Variants in PSTPIP1 observed in about 807,000 individuals in gnomAD.
PSTPIP1 encodes proline-serine-threonine phosphatase interacting protein 1, also known as proline-serine-threonine phosphatase-interacting protein 1.
Under a neutral mutation model 69.6 loss-of-function variants are expected in PSTPIP1, and 66 were observed. The observed-to-expected ratio is 0.95, with a 90% confidence interval of 0.78 to 1.16. The LOEUF (loss-of-function observed/expected upper bound fraction) is 1.16, where lower values mean the gene tolerates loss of function less well. Ranked by LOEUF, PSTPIP1 falls within the 50% of genes most tolerant of loss-of-function variation. The pLI is 0.00. For missense variants in PSTPIP1, 603 were observed against 557.4 expected, an observed-to-expected ratio of 1.08 and a Z score of -0.82; for synonymous variants, 266 against 222.7, an observed-to-expected ratio of 1.19 and a Z score of -1.73.
At chr15:77,012,299 A>T (rs1454935519) in intron 1 of PSTPIP1, among the ~76,000 whole-genome samples, 3 of 148,820 alleles carry the variant, frequency 2.0e-5, no homozygotes, top group Non-Finnish European at 4.5e-5. Context: ...CCATCTACCC[A>T]TCCATGCATC....
intron 3 of PSTPIP1, among the ~76,000 whole-genome samples, chr15:77,020,301 G>GACTT (rs1428883783): frequency 6.6e-6 from 1 of 152,152 alleles, no homozygotes; most frequent in Non-Finnish European, 1.5e-5. Flanking sequence ...TCCTTTGTGT[G>GACTT]GCCCTGGATG....
intron 14 of PSTPIP1, 92 bp downstream of exon 14, chr15:77,036,027 C>T (rs1291729544): frequency 7.0e-7 from 1 of 1,419,094 alleles, no homozygotes; most frequent in Non-Finnish European, 9.3e-7. Flanking sequence ...CTCATCTCTC[C>T]TCATGGTTTC....
At chr15:77,028,154 GAA>G (rs1286840761) in intron 6 of PSTPIP1, among the ~76,000 whole-genome samples, 5 of 152,040 alleles carry the variant, frequency 3.3e-5, no homozygotes, top group African/African-American at 1.2e-4. Flanking sequence ...AAGGGCAGAT[GAA>G]GTCAGCTGGG....
upstream of PSTPIP1, chr15:76,994,688 T>C: frequency 8.4e-7 from 1 of 1,190,616 alleles, no homozygotes; most frequent in Non-Finnish European, 1.1e-6. Context: ...TCACCTTGCC[T>C]CTGTGTGCTC....
intron 1 of PSTPIP1, among the ~76,000 whole-genome samples, chr15:76,996,416 C>T (rs564693267): frequency 6.6e-6 from 1 of 152,316 alleles, no homozygotes; most frequent in Admixed American, 6.5e-5. Context: ...TGGCTGTGCC[C>T]AGGGCTCTGG....
chr15:77,018,349 G>A, intron 2 of PSTPIP1, 101 bp downstream of exon 2: 1 of 1,536,110 alleles, frequency 6.5e-7, no homozygotes, highest in Non-Finnish European at 8.8e-7. Flanking sequence ...GCCAAACTCT[G>A]TCAGAACACG....
At chr15:77,010,602 C>T (rs925246983) in intron 1 of PSTPIP1, among the ~76,000 whole-genome samples, 34 of 152,104 alleles carry the variant, frequency 2.2e-4, no homozygotes, top group African/African-American at 7.0e-4. Flanking sequence ...TACCTCTGGC[C>T]GCCTTGTGTT....
chr15:77,034,231 C>T (rs2076498481), intron 12 of PSTPIP1, among the ~76,000 whole-genome samples: 1 of 152,090 alleles, frequency 6.6e-6, no homozygotes, highest in Admixed American at 6.5e-5. Context: ...GCTCAGCAAG[C>T]CCTGCACCCC....
intron 10 of PSTPIP1, 63 bp from the exon 11 acceptor site, chr15:77,032,235 G>A (rs915473273): frequency 6.5e-7 from 1 of 1,547,652 alleles, no homozygotes; most frequent in African/African-American, 1.4e-5. Flanking sequence ...GCTGGTCAGA[G>A]TTCAGGCCCA....
Position 77,035,575 on chromosome 15 carries a change from C to G in PSTPIP1, c.985+12C>G, listed in dbSNP as rs1027074812. 1.3e-6 allele frequency: 2 copies of G among 1,571,582 alleles called. No individual in the cohort carries two copies. The highest frequency in any genetic ancestry group is 1.2e-5 in the South Asian group (1 of 85,968). ...GGCAGCTTCTGCTGGTAAAGGGGGT[C>G]AGGAGGGGACCCCCAAACACACTGA... On this transcript the variant is annotated intron_variant, in intron 13 of 14. Transcript: ENST00000558012.
intron 3 of PSTPIP1, among the ~76,000 whole-genome samples, chr15:77,023,149 G>A (rs2076198800): frequency 6.6e-6 from 1 of 152,260 alleles, no homozygotes; most frequent in Non-Finnish European, 1.5e-5. Flanking sequence ...TGGCCCACAG[G>A]TGGGTTTGGG....
chr15:76,996,883 T>C (rs2075592418), intron 1 of PSTPIP1, among the ~76,000 whole-genome samples: 1 of 152,044 alleles, frequency 6.6e-6, no homozygotes, highest in Admixed American at 6.5e-5. Flanking sequence ...ATGGGGGATG[T>C]GAGTCACCAC....
intron 1 of PSTPIP1, among the ~76,000 whole-genome samples, chr15:77,004,601 C>T (rs917772326): frequency 1.3e-5 from 2 of 151,954 alleles, no homozygotes; most frequent in African/African-American, 4.8e-5. Flanking sequence ...CACCTGTAAT[C>T]CCAGCACTTT....
rs1226344890 is a variant in PSTPIP1 at position 77,027,857 on chromosome 15, G to C, written c.360G>C (p.Glu120Asp). 6.4e-7 allele frequency: 1 copy of C among 1,566,326 alleles called. No homozygotes were observed. The highest frequency in any genetic ancestry group is 8.6e-7 in the Non-Finnish European group (1 of 1,156,352). Residue 120 changes from glutamate (E) to aspartate (D), a missense_variant, in exon 6 of 15, where the codon GAG (glutamate) becomes GAC (aspartate). Glu to Asp is a conservative substitution (Grantham distance 45). Coordinates refer to ENST00000558012, the MANE Select transcript of PSTPIP1 (RefSeq NM_003978.5). This position sits in a 1 kb window ranked among gnomAD's most constrained non-coding sequence, Gnocchi z 4.3. ...GAACCTCGTGTCCCCTGCAGTATGA[G>C]GCCGTCATGGACCGGGTCCAGAAGA... ...ERQKEQRKKY[E>D]AVMDRVQKSK...
Position 76,995,149 on chromosome 15 carries a change from G to GCTGCCTGCCTGCCTGCCTGCCTGCCTGC in PSTPIP1, c.-402_-401insCCTGCCTGCCTGCCTGCCTGCCTGCCTG. 8.5e-7 allele frequency: 1 copy of GCTGCCTGCCTGCCTGCCTGCCTGCCTGC among 1,170,604 alleles called. No homozygotes were observed. The highest frequency in any genetic ancestry group is 1.1e-6 in the Non-Finnish European group (1 of 933,580). The allele number at this position is 1,170,604 out of a possible 1,614,324, so 72.5% of individuals were successfully genotyped here. A position where few individuals can be genotyped will look rare whatever the true frequency, so the allele number is the denominator to read the frequency against. On this transcript the variant is annotated 5_prime_UTR_variant, in exon 1 of 15. Transcript: ENST00000558012. ...ACAAACCTTCCTGCGCAGGCCTCGGGCTGCCTGCCTGCCTGCCTGCCTGGC... is the reference window on the plus strand; with the variant it reads ...ACAAACCTTCCTGCGCAGGCCTCGGGCTGCCTGCCTGCCTGCCTGCCTGCCTGCCTGCCTGCCTGCCTGCCTGCCTGGC...
At position 77,027,745 on chromosome 15, in the gene PSTPIP1, G is replaced by A. The variant is rs2076314009; in HGVS notation, c.355-107G>A. The A allele has an allele frequency of 7.4e-7, 1 of 1,349,186 alleles. No individual in the cohort carries two copies. The highest frequency in any genetic ancestry group is 1.5e-5 in the African/African-American group (1 of 68,854). 83.6% of individuals were successfully genotyped at this position (1,349,186 alleles called of 1,614,324 possible). On this transcript the variant is annotated intron_variant, in intron 5 of 14. Coordinates refer to ENST00000558012, the MANE Select transcript of PSTPIP1 (RefSeq NM_003978.5). The surrounding 1 kb of genome is among the most constrained non-coding windows in gnomAD (Gnocchi z 4.3). ...AGGGCAGCCTGTCACCCTCTCTCCA[G>A]AGCCAGGAGAGGTGCTGCGCCTCAT...
intron 3 of PSTPIP1, among the ~76,000 whole-genome samples, chr15:77,023,833 G>T (rs1299435769): frequency 6.6e-6 from 1 of 152,080 alleles, no homozygotes; most frequent in Non-Finnish European, 1.5e-5. Flanking sequence ...TGTGCCTGGA[G>T]GCCTCTAACT....
intron 12 of PSTPIP1, 65 bp from the exon 13 acceptor site, chr15:77,035,443 C>CTCCCTCCTGCTG (rs2076536494): frequency 1.3e-6 from 2 of 1,500,710 alleles, no homozygotes; most frequent in East Asian, 4.9e-5. Context: ...TGTCTAAACC[C>CTCCCTCCTGCTG]TCCCTCCTGG....
At chr15:77,022,882 C>T (rs1323321832) in intron 3 of PSTPIP1, among the ~76,000 whole-genome samples, 2 of 152,218 alleles carry the variant, frequency 1.3e-5, no homozygotes, top group South Asian at 2.1e-4. Flanking sequence ...CCAGGTACCC[C>T]AGACAGAGGT....
Sources: allele counts gnomAD v4.1 joint callset (sites outside exome capture counted in the v4.1 genomes callset), GRCh38; gene constraint gnomAD v4.1.1; non-coding constraint Gnocchi (gnomAD v3.1); transcripts MANE v1.5; gene names NCBI Gene and HGNC (gene_info 2026-07-23, HGNC 2026-07-21).